The following RARB variants were observed in gnomAD, a reference collection of about 807,000 sequenced individuals.
RARB encodes HBV-activated protein.
Under a neutral mutation model 51.9 loss-of-function variants are expected in RARB, and 17 were observed. That is an observed-to-expected ratio of 0.33 (90% CI 0.22 to 0.49). The LOEUF (loss-of-function observed/expected upper bound fraction) is 0.49, where lower values mean the gene tolerates loss of function less well. RARB is among the 20% of genes least tolerant of loss of function. The pLI is 0.99. For missense variants in RARB, 369 were observed against 550.8 expected (o/e 0.67, Z 3.30); for synonymous variants, 215 against 195.4 (o/e 1.10, Z -0.84).
intron 2 of RARB, among the ~76,000 whole-genome samples, chr3:25,038,546 G>A (rs994086880): frequency 2.0e-5 from 3 of 152,100 alleles, no homozygotes; most frequent in Admixed American, 2.0e-4. Flanking sequence ...TGTTGCTGAA[G>A]GAAGGTGATG....
chr3:25,551,569 A>G (rs570032098), intron 3 of RARB, among the ~76,000 whole-genome samples: 7 of 152,200 alleles, frequency 4.6e-5, no homozygotes, highest in Non-Finnish European at 7.4e-5. Flanking sequence ...TAGGGAGAAG[A>G]TCAATGTGAG....
chr3:24,845,042 G>C (rs536659954), intron 1 of RARB, among the ~76,000 whole-genome samples: 1 of 152,254 alleles, frequency 6.6e-6, no homozygotes, highest in South Asian at 2.1e-4. Flanking sequence ...ACCCATGATG[G>C]CCAATCCCAC....
At chr3:24,857,258 A>G (rs1702651643) in intron 1 of RARB, among the ~76,000 whole-genome samples, 1 of 152,194 alleles carries the variant, frequency 6.6e-6, no homozygotes, top group South Asian at 2.1e-4. Context: ...GGGAGAACTG[A>G]GAGTCCTAAC....
At chr3:24,891,924 C>T (rs1229685531) in intron 2 of RARB, among the ~76,000 whole-genome samples, 2 of 152,090 alleles carry the variant, frequency 1.3e-5, no homozygotes, top group Admixed American at 6.5e-5. Context: ...TGGAGCTGCA[C>T]CCACAGAAGT....
intron 3 of RARB, among the ~76,000 whole-genome samples, chr3:25,127,748 G>T (rs1699884993): frequency 6.6e-6 from 1 of 152,070 alleles, no homozygotes; most frequent in Admixed American, 6.6e-5. Flanking sequence ...GTTTCAATTT[G>T]ATACTGAGTG....
At chr3:24,876,791 G>A (rs1703051905) in intron 2 of RARB, among the ~76,000 whole-genome samples, 1 of 152,056 alleles carries the variant, frequency 6.6e-6, no homozygotes, top group Non-Finnish European at 1.5e-5. Context: ...CTTACGTATG[G>A]AAACATGATG....
chr3:25,441,257 C>T, intron 1 of RARB: 1 of 403,470 alleles, frequency 2.5e-6, no homozygotes, highest in South Asian at 2.1e-5. Context: ...CACTTGGCTC[C>T]TGCAAAGCAC....
chr3:25,246,097 T>C (rs962745500), intron 5 of RARB, among the ~76,000 whole-genome samples: 1 of 152,008 alleles, frequency 6.6e-6, no homozygotes, highest in South Asian at 2.1e-4. Context: ...TCCTGTCTTA[T>C]GCTTGATCGA....
At chr3:25,413,796 A>T (rs537592931) in intron 5 of RARB, among the ~76,000 whole-genome samples, 14 of 152,208 alleles carry the variant, frequency 9.2e-5, no homozygotes, top group Non-Finnish European at 1.8e-4. Context: ...ATTGAGCTGC[A>T]ACACACTGGC....
At chr3:25,191,956 T>C (rs906227653) in intron 5 of RARB, among the ~76,000 whole-genome samples, 1 of 152,104 alleles carries the variant, frequency 6.6e-6, no homozygotes, top group Non-Finnish European at 1.5e-5. Flanking sequence ...GAGAGTCTCT[T>C]AGGGGAAGAC....
At chr3:24,892,890 T>C (rs1383763721) in intron 2 of RARB, among the ~76,000 whole-genome samples, 1 of 152,224 alleles carries the variant, frequency 6.6e-6, no homozygotes, top group Non-Finnish European at 1.5e-5. Context: ...CTGCCTGCCA[T>C]TGGGCTATCA....
intron 2 of RARB, among the ~76,000 whole-genome samples, chr3:24,997,133 G>A (rs1285588226): frequency 7.6e-6 from 1 of 131,614 alleles, no homozygotes; most frequent in Admixed American, 8.3e-5. Context: ...TATATCTGAG[G>A]GCTCCAGCAT....
chr3:25,062,213 G>A (rs1052019016), intron 3 of RARB, among the ~76,000 whole-genome samples: 4 of 151,656 alleles, frequency 2.6e-5, no homozygotes, highest in African/African-American at 4.8e-5. Context: ...AAGAAATAGC[G>A]ACGGCCAGTA....
intron 2 of RARB, among the ~76,000 whole-genome samples, chr3:24,870,762 A>G (rs1702931801): frequency 6.6e-6 from 1 of 152,136 alleles, no homozygotes; most frequent in Non-Finnish European, 1.5e-5. Flanking sequence ...ATGTGTACAT[A>G]ATAGGCACAT....
chr3:25,335,135 G>A (rs1042001124), intron 5 of RARB, among the ~76,000 whole-genome samples: 2 of 152,146 alleles, frequency 1.3e-5, no homozygotes, highest in Non-Finnish European at 1.5e-5. Context: ...ATAATATGGG[G>A]ATGGTAATAG....
At chr3:25,518,891 T>G (rs1422879367) in intron 3 of RARB, among the ~76,000 whole-genome samples, 3 of 152,172 alleles carry the variant, frequency 2.0e-5, no homozygotes, top group Admixed American at 6.6e-5. Context: ...TCCTAAGATC[T>G]TAGAAGGAAG....
chr3:25,126,011 C>T (rs1351817373), intron 3 of RARB, among the ~76,000 whole-genome samples: 1 of 152,124 alleles, frequency 6.6e-6, no homozygotes, highest in East Asian at 1.9e-4. Context: ...AAGAAATTAG[C>T]TCTGTATAAA....
At chr3:25,155,830 C>A (rs1700364727) in intron 4 of RARB, among the ~76,000 whole-genome samples, 2 of 152,190 alleles carry the variant, frequency 1.3e-5, no homozygotes, top group Non-Finnish European at 2.9e-5. Flanking sequence ...AAAGCATACC[C>A]CATGCTGGCT....
At chr3:25,132,278 T>A in intron 4 of RARB, among the ~76,000 whole-genome samples, 1 of 151,904 alleles carries the variant, frequency 6.6e-6, no homozygotes, top group Non-Finnish European at 1.5e-5. Context: ...CAGCAATTGC[T>A]ATTATAATTA....
Sources: gnomAD v4.1 joint callset for allele counts (sites outside exome capture counted in the v4.1 genomes callset) on GRCh38, gnomAD v4.1.1 for gene constraint, MANE v1.5 for transcripts, NCBI Gene and HGNC (gene_info 2026-07-23, HGNC 2026-07-21) for gene names.